TENM1: variants seen among roughly 807,000 people sequenced by gnomAD.
TENM1 encodes the protein teneurin transmembrane protein 1, also known as teneurin-1.
A neutral mutation model predicts 174.8 loss-of-function variants in TENM1; 35 were observed. The ratio of observed to expected loss-of-function variants is 0.20; its 90% CI spans 0.15 to 0.27. The LOEUF is 0.27. Ranked by LOEUF, TENM1 falls within the 10% of genes least tolerant of loss-of-function variation. The pLI is 1.00. For synonymous variants in TENM1, 781 were observed against 798.7 expected (o/e 0.98, Z 0.37); for missense variants, 1,633 against 2,130.1 (o/e 0.77, Z 4.59).
At chrX:124,842,987 G>T (rs976197761) in intron 3 of TENM1, among the ~76,000 whole-genome samples, 2 of 110,897 alleles carry the variant, frequency 1.8e-5, no homozygotes, top group Non-Finnish European at 3.8e-5. Context: ...CAAATGATGC[G>T]ATTTCCTACA....
chrX:124,523,598 G>A, exon 17 of TENM1: 1 of 1,211,321 alleles, frequency 8.3e-7, no homozygotes, highest in Admixed American at 2.2e-5. Context: ...AGATGACAGA[G>A]ATGCCACCGA....
chrX:124,459,956 T>C (rs1021699385), intron 22 of TENM1, among the ~76,000 whole-genome samples: 5 of 112,042 alleles, frequency 4.5e-5, no homozygotes, highest in Non-Finnish European at 7.5e-5. Context: ...GACATACATG[T>C]GGCCAACAAG....
the TENM1 span, among the ~76,000 whole-genome samples, chrX:125,140,173 T>C: frequency 2.7e-5 from 3 of 111,658 alleles, no homozygotes; most frequent in Middle Eastern, 4.6e-3. Context: ...TTTTGATCCA[T>C]GTCTAACGCG....
chrX:124,970,685 G>T, the TENM1 span, among the ~76,000 whole-genome samples: 1 of 111,765 alleles, frequency 8.9e-6, no homozygotes, highest in African/African-American at 3.3e-5. Context: ...TACACTGTTG[G>T]TGGGACTGTA....
intron 17 of TENM1, among the ~76,000 whole-genome samples, chrX:124,521,661 C>T (rs1332574617): frequency 8.9e-6 from 1 of 112,218 alleles, no homozygotes; most frequent in African/African-American, 3.2e-5. Context: ...TTTCAAAAGA[C>T]CTCTGAAGAA....
At position 124,943,141 on chromosome X, in the gene TENM1, C is replaced by T. The variant is rs764433534; in HGVS notation, c.217+20396G>A. ...GTGACTATTAATATACTAGTAAAGG[C>T]GGTTAAAAGAAGACCTGAGGTCATT... On this transcript the variant is annotated intron_variant, in intron 1 of 31. Coordinates refer to ENST00000422452, the Ensembl canonical transcript of TENM1. Among the ~76,000 whole-genome samples, 8 of 111,303 alleles carry T rather than the reference C, an allele frequency of 7.2e-5. No individual in the cohort carries two copies. The South Asian group carries it at 1.9e-3, about 26-fold the overall frequency.
the TENM1 span, among the ~76,000 whole-genome samples, chrX:125,052,030 C>A: frequency 6.3e-5 from 7 of 111,049 alleles, no homozygotes; most frequent in Non-Finnish European, 1.1e-4. Flanking sequence ...AAAAAGTGGG[C>A]GAAGGATATG....
At chrX:124,660,154 C>T (rs773679263) in intron 6 of TENM1, among the ~76,000 whole-genome samples, 3 of 110,744 alleles carry the variant, frequency 2.7e-5, no homozygotes, top group African/African-American at 9.9e-5. Context: ...ACGGGTGGAT[C>T]ACGAGGTCAG....
At chrX:124,801,481 T>C (rs1010437947) in intron 3 of TENM1, among the ~76,000 whole-genome samples, 3 of 111,887 alleles carry the variant, frequency 2.7e-5, no homozygotes, top group Non-Finnish European at 5.6e-5. Context: ...ATGTGTGTCT[T>C]TGCATGTAAG....
At chrX:124,884,472 G>A (rs1020489358) in intron 3 of TENM1, among the ~76,000 whole-genome samples, 2 of 110,833 alleles carry the variant, frequency 1.8e-5, no homozygotes, top group Non-Finnish European at 3.8e-5. Context: ...TAGTCTCAGG[G>A]CCCACATGGA....
chrX:124,918,331 C>T (rs1397203269), intron 1 of TENM1, among the ~76,000 whole-genome samples: 1 of 110,274 alleles, frequency 9.1e-6, no homozygotes, highest in Non-Finnish European at 1.9e-5. Flanking sequence ...AGGCGCGTGC[C>T]ACCACGTCTG....
the TENM1 span, among the ~76,000 whole-genome samples, chrX:125,048,725 T>A: frequency 9.0e-6 from 1 of 111,306 alleles, no homozygotes; most frequent in Non-Finnish European, 1.9e-5. Context: ...AAATGGGTAG[T>A]TCATTTAAAT....
intron 15 of TENM1, among the ~76,000 whole-genome samples, chrX:124,533,808 T>C (rs1289501038): frequency 1.8e-5 from 2 of 111,647 alleles, no homozygotes; most frequent in Non-Finnish European, 3.8e-5. Context: ...TTTGTGTTGG[T>C]TTTGTGTGTC....
At chrX:125,193,535 T>C in the TENM1 span, among the ~76,000 whole-genome samples, 1 of 111,748 alleles carries the variant, frequency 8.9e-6, no homozygotes, top group African/African-American at 3.3e-5. Context: ...TTAGGTATTG[T>C]TAAGTAATCT....
At chrX:124,576,342 G>A (rs887682158) in intron 11 of TENM1, among the ~76,000 whole-genome samples, 2 of 112,294 alleles carry the variant, frequency 1.8e-5, no homozygotes, top group Admixed American at 9.4e-5. Context: ...TTATAGGCAT[G>A]AGCCACTGTG....
intron 3 of TENM1, among the ~76,000 whole-genome samples, chrX:124,780,020 T>A (rs2054872336): frequency 9.0e-6 from 1 of 110,936 alleles, no homozygotes; most frequent in Non-Finnish European, 1.9e-5. Context: ...AGGTTTTAGA[T>A]ACCCCCCATT....
At chrX:124,416,449 A>G (rs1340577831) in intron 25 of TENM1, among the ~76,000 whole-genome samples, 1 of 111,880 alleles carries the variant, frequency 8.9e-6, no homozygotes, top group Non-Finnish European at 1.9e-5. Context: ...GCTGAACACT[A>G]TTTCATGACA....
At chrX:124,458,946 G>T (rs766691) in intron 22 of TENM1, among the ~76,000 whole-genome samples, 1 of 111,083 alleles carries the variant, frequency 9.0e-6, no homozygotes, top group Non-Finnish European at 1.9e-5. Context: ...TGCACCCTCT[G>T]CGTGTGAGCA....
chrX:124,488,524 C>T (rs767859169), intron 20 of TENM1, among the ~76,000 whole-genome samples: 98 of 112,146 alleles, frequency 8.7e-4, no homozygotes, highest in Admixed American at 1.4e-3. Flanking sequence ...GGTAGGTATC[C>T]TGTGGGTTGA....
Sources: gnomAD v4.1 joint callset for allele counts (sites outside exome capture counted in the v4.1 genomes callset) on GRCh38, gnomAD v4.1.1 for gene constraint, MANE v1.5 for transcripts, NCBI Gene and HGNC (gene_info 2026-07-23, HGNC 2026-07-21) for gene names.